Variants in GRID2 observed in about 807,000 individuals in gnomAD.
The protein encoded by GRID2 is glutamate receptor ionotropic, delta-2.
Under a neutral mutation model 114.8 loss-of-function variants are expected in GRID2, and 33 were observed. That is an observed-to-expected ratio of 0.29 (90% CI 0.22 to 0.38). GRID2 has a LOEUF of 0.38. GRID2 is among the 10% of genes least tolerant of loss of function. The pLI is 1.00. For missense variants in GRID2, 1,184 were observed against 1,257.7 expected (o/e 0.94, Z 0.89); for synonymous variants, 505 against 449.9 (o/e 1.12, Z -1.55).
intron 14 of GRID2, among the ~76,000 whole-genome samples, chr4:93,709,122 T>C (rs565260782): frequency 8.6e-4 from 131 of 152,270 alleles, no homozygotes; most frequent in African/African-American, 2.9e-3. Context: ...TACAAATAGT[T>C]TGTACACCAC....
intron 1 of GRID2, among the ~76,000 whole-genome samples, chr4:92,399,154 T>C (rs770097570): frequency 5.9e-5 from 9 of 152,180 alleles, no homozygotes; most frequent in Admixed American, 2.6e-4. Context: ...GGGTATGTCA[T>C]TGAGAACTCT....
intron 2 of GRID2, among the ~76,000 whole-genome samples, chr4:93,053,331 G>A (rs1347137536): frequency 6.6e-6 from 1 of 151,826 alleles, no homozygotes; most frequent in African/African-American, 2.4e-5. Flanking sequence ...GGAATGATTT[G>A]TCTATGTTGC....
At chr4:92,879,412 G>T (rs965576315) in intron 2 of GRID2, among the ~76,000 whole-genome samples, 2 of 152,148 alleles carry the variant, frequency 1.3e-5, no homozygotes, top group Non-Finnish European at 2.9e-5. Flanking sequence ...GCACATCTAA[G>T]CCCACAATAA....
At chr4:92,308,543 A>G (rs188306868) in intron 1 of GRID2, among the ~76,000 whole-genome samples, 57 of 152,282 alleles carry the variant, frequency 3.7e-4, no homozygotes, top group African/African-American at 1.3e-3. Flanking sequence ...GAAACCTAAG[A>G]TAATCCACAG....
intron 8 of GRID2, among the ~76,000 whole-genome samples, chr4:93,252,526 G>A (rs1166551223): frequency 1.3e-5 from 2 of 151,928 alleles, no homozygotes; most frequent in Non-Finnish European, 2.9e-5. Flanking sequence ...TGTTCTTTTA[G>A]CTTAGGATTG....
chr4:93,469,158 T>C (rs1724564138), intron 11 of GRID2, among the ~76,000 whole-genome samples: 1 of 152,088 alleles, frequency 6.6e-6, no homozygotes. Context: ...AAATCTTCCC[T>C]GGTGCTTTTG....
chr4:93,355,987 C>G (rs1761299445), intron 8 of GRID2, among the ~76,000 whole-genome samples: 1 of 152,100 alleles, frequency 6.6e-6, no homozygotes, highest in African/African-American at 2.4e-5. Flanking sequence ...CAAAGACTGA[C>G]TTGTCTCTCT....
intron 4 of GRID2, among the ~76,000 whole-genome samples, chr4:93,147,156 T>G (rs900207366): frequency 2.3e-4 from 35 of 152,126 alleles, no homozygotes; most frequent in African/African-American, 8.0e-4. Flanking sequence ...AATCTTAGAA[T>G]AAAGAATAGA....
rs184864871 is a variant in GRID2 at position 93,292,950 on chromosome 4, A to C, written c.1245+54460A>C. Among the ~76,000 whole-genome samples the C allele has an allele frequency of 1.9e-3, 283 of 152,268 alleles. 4 individuals are homozygous for C. Among genetic ancestry groups the C allele is most frequent in the Non-Finnish European group, 3.4e-4 (23 of 68,022 alleles). On this transcript the variant is annotated intron_variant, in intron 8 of 15. Coordinates refer to ENST00000282020, the MANE Select transcript of GRID2 (RefSeq NM_001510.4). ...ACAGCCCCGGAGATGTCCATATGCT[A>C]TTCAGTAATGTGGCATCTGCATAGC...
intron 13 of GRID2, among the ~76,000 whole-genome samples, chr4:93,601,015 G>A (rs1578366299): frequency 6.6e-6 from 1 of 152,204 alleles, no homozygotes; most frequent in Non-Finnish European, 1.5e-5. Flanking sequence ...CCCAGAGGGT[G>A]AGGAAGAGGG....
chr4:92,935,037 T>C (rs201845353), intron 2 of GRID2, among the ~76,000 whole-genome samples: 2,816 of 146,178 alleles, frequency 0.019, 249 homozygotes, highest in East Asian at 0.068. Flanking sequence ...AATTGACAAA[T>C]GGGATCTAAT....
At chr4:93,161,647 A>T (rs1400851165) in intron 4 of GRID2, among the ~76,000 whole-genome samples, 3 of 151,824 alleles carry the variant, frequency 2.0e-5, no homozygotes, top group African/African-American at 7.2e-5. Context: ...CTCAACACTA[A>T]GATTTTCAGG....
intron 1 of GRID2, among the ~76,000 whole-genome samples, chr4:92,414,045 G>A (rs541750137): frequency 1.1e-4 from 16 of 152,288 alleles, no homozygotes; most frequent in African/African-American, 3.1e-4. Context: ...ATATTGTTTG[G>A]TAAGTAGAAG....
intron 1 of GRID2, among the ~76,000 whole-genome samples, chr4:92,372,550 A>G (rs1579255747): frequency 6.6e-6 from 1 of 152,276 alleles, no homozygotes; most frequent in South Asian, 2.1e-4. Flanking sequence ...ACATAATGCT[A>G]TTGTTCATGC....
At chr4:93,086,017 C>CT (rs978536318) in intron 3 of GRID2, among the ~76,000 whole-genome samples, 36 of 151,826 alleles carry the variant, frequency 2.4e-4, no homozygotes, top group Admixed American at 6.6e-5. Context: ...ATTTATCTAC[C>CT]TTTTTTCTAA....
chr4:93,802,602 G>C (rs954817759), intron 1 of GRID2, among the ~76,000 whole-genome samples: 5 of 152,156 alleles, frequency 3.3e-5, no homozygotes, highest in African/African-American at 1.2e-4. Flanking sequence ...TCTTCGAATT[G>C]TGCATTGCTT....
At chr4:92,386,924 CATTA>C (rs1729989269) in intron 1 of GRID2, among the ~76,000 whole-genome samples, 1 of 151,834 alleles carries the variant, frequency 6.6e-6, no homozygotes, top group Non-Finnish European at 1.5e-5. Context: ...ATATATCAGT[CATTA>C]ATTTGGTACT....
At chr4:93,503,342 T>C (rs13113387) in intron 12 of GRID2, among the ~76,000 whole-genome samples, 1 of 152,142 alleles carries the variant, frequency 6.6e-6, no homozygotes, top group South Asian at 2.1e-4. Flanking sequence ...TTTATTATTA[T>C]ACTTTAAGTT....
chr4:92,525,916 A>G (rs1272907356), intron 1 of GRID2, among the ~76,000 whole-genome samples: 1 of 152,146 alleles, frequency 6.6e-6, no homozygotes, highest in Non-Finnish European at 1.5e-5. Context: ...GCTCTAAGTT[A>G]TTGAACTTTT....
Sources: gnomAD v4.1 joint callset for allele counts (sites outside exome capture counted in the v4.1 genomes callset) on GRCh38, gnomAD v4.1.1 for gene constraint, MANE v1.5 for transcripts, NCBI Gene and HGNC (gene_info 2026-07-23, HGNC 2026-07-21) for gene names.